OSBPL11: variants seen among roughly 807,000 people sequenced by gnomAD.
The protein encoded by OSBPL11 is oxysterol-binding protein-related protein 11.
Under a neutral mutation model 84.4 loss-of-function variants are expected in OSBPL11, and 33 were observed. The ratio of observed to expected loss-of-function variants is 0.39; its 90% CI spans 0.30 to 0.52. The LOEUF is 0.52. Ranked by LOEUF, OSBPL11 falls within the 20% of genes least tolerant of loss-of-function variation. The probability of loss-of-function intolerance (pLI) is 0.72; values close to 1 mark genes in which losing one functional copy is unlikely to be tolerated. For synonymous variants in OSBPL11, 276 were observed against 310.2 expected, an observed-to-expected ratio of 0.89 and a Z score of 1.16; for missense variants, 736 against 901.1, an observed-to-expected ratio of 0.82 and a Z score of 2.35.
rs1199894069 is a variant in OSBPL11 at position 125,536,079 on chromosome 3, G to A, written c.2024+2372C>T. On this transcript the variant is annotated intron_variant, in intron 11 of 12. Coordinates refer to ENST00000296220, the MANE Select transcript of OSBPL11 (RefSeq NM_022776.5). ...GAGCCCAGGAGGCAGAGGTTGCAGT[G>A]AGCCGAGATCATGCCACTGCACTCC... Among the ~76,000 whole-genome samples, 19 of 148,744 alleles carry A rather than the reference G, an allele frequency of 1.3e-4. No homozygotes were observed. In the East Asian group the frequency reaches 3.5e-3, roughly 28 times the overall value.
At chr3:125,560,085 C>T (rs1333052637) in intron 8 of OSBPL11, among the ~76,000 whole-genome samples, 3 of 151,930 alleles carry the variant, frequency 2.0e-5, no homozygotes, top group Non-Finnish European at 4.4e-5. Flanking sequence ...CATGGTGAAA[C>T]CCCATCTCTA....
chr3:125,543,791 T>A (rs185088350), intron 10 of OSBPL11, among the ~76,000 whole-genome samples: 77 of 151,962 alleles, frequency 5.1e-4, no homozygotes, highest in African/African-American at 1.7e-3. Context: ...TCCCAGCTAC[T>A]TGGGAGGCTG....
intron 6 of OSBPL11, 53 bp from the exon 7 acceptor site, chr3:125,563,896 T>A: frequency 6.3e-7 from 1 of 1,597,598 alleles, no homozygotes; most frequent in Admixed American, 1.7e-5. Flanking sequence ...TCTAGAAAGT[T>A]CGGCAGATGT....
chr3:125,567,621 C>T (rs779500035), intron 5 of OSBPL11, 26 bp from the exon 6 acceptor site: 2 of 1,573,882 alleles, frequency 1.3e-6, no homozygotes, highest in African/African-American at 2.7e-5. Flanking sequence ...TTCTGTGGGT[C>T]CTACTCATGA....
intron 4 of OSBPL11, among the ~76,000 whole-genome samples, chr3:125,577,942 C>T (rs1936355267): frequency 6.6e-6 from 1 of 152,042 alleles, no homozygotes; most frequent in South Asian, 2.1e-4. Context: ...AAATGTTAAA[C>T]ATAGAACTAT....
intron 10 of OSBPL11, among the ~76,000 whole-genome samples, chr3:125,545,633 CGT>C (rs971615663): frequency 2.7e-5 from 4 of 150,292 alleles, no homozygotes; most frequent in Admixed American, 6.7e-5. Context: ...TGTGTGTGTG[CGT>C]GTGTGTGTGT....
chr3:125,574,893 C>G (rs898678362), intron 5 of OSBPL11, among the ~76,000 whole-genome samples: 2 of 152,134 alleles, frequency 1.3e-5, no homozygotes, highest in African/African-American at 4.8e-5. Context: ...AAGTGCAGGA[C>G]AGACCAATGG....
chr3:125,582,617 C>T (rs1936445476), intron 2 of OSBPL11, among the ~76,000 whole-genome samples: 1 of 152,174 alleles, frequency 6.6e-6, no homozygotes, highest in Non-Finnish European at 1.5e-5. Context: ...CCCTATTTCT[C>T]TTCCCCTAAG....
At chr3:125,568,744 T>C (rs1936199804) in intron 5 of OSBPL11, among the ~76,000 whole-genome samples, 1 of 152,212 alleles carries the variant, frequency 6.6e-6, no homozygotes, top group African/African-American at 2.4e-5. Context: ...ATTGTCCAGC[T>C]TTCCTAATAG....
chr3:125,572,614 C>T (rs1936258638), intron 5 of OSBPL11, among the ~76,000 whole-genome samples: 1 of 151,816 alleles, frequency 6.6e-6, no homozygotes, highest in South Asian at 2.1e-4. Flanking sequence ...AAGAGGAGTT[C>T]CCCTGCACAA....
intron 6 of OSBPL11, among the ~76,000 whole-genome samples, chr3:125,566,097 C>T (rs1936150304): frequency 6.6e-6 from 1 of 152,142 alleles, no homozygotes; most frequent in Non-Finnish European, 1.5e-5. Flanking sequence ...CCTCCGCCTC[C>T]TGGGTTCAAG....
At position 125,579,860 on chromosome 3, in the gene OSBPL11, C is replaced by A; in HGVS notation, c.409+5G>T. On this transcript the variant is annotated splice_donor_5th_base_variant and intron_variant, in intron 3 of 12. Transcript: ENST00000296220. ...ACAGTATTAATTCTCATATTTTGGTCATACCTCTGAGTTTATATTGTTCCC... is the reference window on the plus strand; with the variant it reads ...ACAGTATTAATTCTCATATTTTGGTAATACCTCTGAGTTTATATTGTTCCC... 2 of 1,613,632 alleles carry A rather than the reference C, an allele frequency of 1.2e-6. No individual in the cohort carries two copies. The highest frequency in any genetic ancestry group is 1.1e-5 in the South Asian group (1 of 90,992).
intron 11 of OSBPL11, 78 bp from the exon 12 acceptor site, chr3:125,532,092 C>G (rs1935567747): frequency 9.4e-6 from 13 of 1,380,172 alleles, no homozygotes; most frequent in African/African-American, 1.5e-5. Context: ...CTCAAAATTA[C>G]AATAATTTTA....
chr3:125,549,840 C>G (rs1028372723), intron 9 of OSBPL11, among the ~76,000 whole-genome samples: 3 of 152,070 alleles, frequency 2.0e-5, no homozygotes, highest in African/African-American at 7.2e-5. Context: ...GCTACCATTT[C>G]CAGATTCTTA....
At chr3:125,545,892 T>TA (rs1298949555) in intron 10 of OSBPL11, among the ~76,000 whole-genome samples, 2 of 152,004 alleles carry the variant, frequency 1.3e-5, no homozygotes, top group Admixed American at 6.6e-5. Context: ...AGAGAGCAGT[T>TA]AAAAAAACTA....
At chr3:125,567,219 G>A (rs1936169460) in intron 6 of OSBPL11, among the ~76,000 whole-genome samples, 175 bp downstream of exon 6, 1 of 152,052 alleles carries the variant, frequency 6.6e-6, no homozygotes, top group South Asian at 2.1e-4. Flanking sequence ...TTCAAAAAAA[G>A]GACACAATCA....
rs1278608344 is a variant in OSBPL11 at position 125,530,186 on chromosome 3, G to A, written c.*329C>T. The stretch of plus-strand genomic sequence containing the variant: ...AAAGTCACTGAGTTCTCATTGTTGT[G>A]TGTATCTGCTGCCCCTGTGCAAAAA... On this transcript the variant is annotated 3_prime_UTR_variant, in exon 13 of 13. Coordinates refer to ENST00000296220, the MANE Select transcript of OSBPL11 (RefSeq NM_022776.5). The A allele has an allele frequency of 3.7e-6, 1 of 273,588 alleles. No homozygotes were observed. Among genetic ancestry groups the A allele is most frequent in the Non-Finnish European group, 7.1e-6 (1 of 141,274 alleles). The allele number at this position is 273,588 out of a possible 1,614,324, so 16.9% of individuals were successfully genotyped here. A position where few individuals can be genotyped will look rare whatever the true frequency, so the allele number is the denominator to read the frequency against.
intron 5 of OSBPL11, among the ~76,000 whole-genome samples, chr3:125,570,330 C>CAAAAAAAAA (rs1251584217): frequency 8.4e-6 from 1 of 119,332 alleles, no homozygotes; most frequent in Non-Finnish European, 1.8e-5. Flanking sequence ...CCATCTCTAG[C>CAAAAAAAAA]AAAAAAAAAA....
chr3:125,578,630 G>A (rs140916898), intron 4 of OSBPL11, among the ~76,000 whole-genome samples: 1 of 152,248 alleles, frequency 6.6e-6, no homozygotes, highest in East Asian at 1.9e-4. Flanking sequence ...AATAAGCTGG[G>A]TGTGGTGGTG....
Sources: allele counts gnomAD v4.1 joint callset (sites outside exome capture counted in the v4.1 genomes callset), GRCh38; gene constraint gnomAD v4.1.1; transcripts MANE v1.5; gene names NCBI Gene and HGNC (gene_info 2026-07-23, HGNC 2026-07-21).